The following ARHGAP39 variants were observed in gnomAD, a reference collection of about 807,000 sequenced individuals.
The protein encoded by ARHGAP39 is Rho GTPase activating protein 39, also known as rho GTPase-activating protein 39.
ARHGAP39 carries 44 observed loss-of-function variants against 106.9 expected under a neutral mutation model. The ratio of observed to expected loss-of-function variants is 0.41; its 90% CI spans 0.32 to 0.53. The LOEUF (loss-of-function observed/expected upper bound fraction) is 0.53, where lower values mean the gene tolerates loss of function less well. ARHGAP39 is among the 20% of genes least tolerant of loss of function. The pLI, the probability that ARHGAP39 is intolerant of heterozygous loss-of-function variation, is 0.21. For synonymous variants in ARHGAP39, 768 were observed against 693.2 expected, an observed-to-expected ratio of 1.11 and a Z score of -1.69; for missense variants, 1,496 against 1,577.3, an observed-to-expected ratio of 0.95 and a Z score of 0.87.
intron 1 of ARHGAP39, among the ~76,000 whole-genome samples, chr8:144,610,723 AT>A (rs939792684): frequency 7.3e-5 from 11 of 151,358 alleles, no homozygotes; most frequent in African/African-American, 1.5e-4. Flanking sequence ...AAAAAAAAAA[AT>A]TTTTTTTTAG....
intron 1 of ARHGAP39, among the ~76,000 whole-genome samples, chr8:144,665,653 C>G (rs1213512730): frequency 6.6e-6 from 1 of 152,202 alleles, no homozygotes; most frequent in Non-Finnish European, 1.5e-5. Context: ...GGTGGAAGCT[C>G]CAGGCCTTGG....
intron 1 of ARHGAP39, among the ~76,000 whole-genome samples, chr8:144,616,327 G>A (rs1400479237): frequency 6.6e-6 from 1 of 152,232 alleles, no homozygotes; most frequent in South Asian, 2.1e-4. Flanking sequence ...CCCCATGAAA[G>A]GGTCCTGGCT....
chr8:144,626,997 G>C (rs2130973450), intron 1 of ARHGAP39, among the ~76,000 whole-genome samples: 1 of 152,314 alleles, frequency 6.6e-6, no homozygotes, highest in African/African-American at 2.4e-5. Flanking sequence ...TCCCCCCTGG[G>C]GAGAGGATCC....
Position 144,586,858 on chromosome 8 carries a change from C to T in ARHGAP39, c.81-5581G>A, listed in dbSNP as rs1266805340. Among the ~76,000 whole-genome samples, 2 of 152,224 alleles carry T rather than the reference C, an allele frequency of 1.3e-5. No homozygotes were observed. Among genetic ancestry groups the T allele is most frequent in the African/African-American group, 4.8e-5 (2 of 41,450 alleles). Reference sequence around the variant, plus strand: ...TACATGGCTGCACGCCCATCTCATACACCAGGATGGGCAATGATATGGTTT... The same window carrying T: ...TACATGGCTGCACGCCCATCTCATATACCAGGATGGGCAATGATATGGTTT... On this transcript the variant is annotated intron_variant, in intron 2 of 11. Transcript: ENST00000377307. The surrounding 1 kb of genome is among the most constrained non-coding windows in gnomAD (Gnocchi z 4.2).
At chr8:144,571,922 C>T (rs1037113385) in intron 3 of ARHGAP39, among the ~76,000 whole-genome samples, 11 of 152,188 alleles carry the variant, frequency 7.2e-5, no homozygotes, top group African/African-American at 2.2e-4. Flanking sequence ...ATCCAACTTA[C>T]AAGGGATGTG....
chr8:144,601,359 C>T (rs577682331), intron 2 of ARHGAP39, among the ~76,000 whole-genome samples: 11 of 117,490 alleles, frequency 9.4e-5, no homozygotes, highest in South Asian at 5.9e-4. Context: ...TGTGCGTGTG[C>T]GAGCTCATGT....
At chr8:144,552,268 C>A (rs1014891345) in intron 4 of ARHGAP39, among the ~76,000 whole-genome samples, 1 of 152,242 alleles carries the variant, frequency 6.6e-6, no homozygotes, top group Non-Finnish European at 1.5e-5. Flanking sequence ...GAATTGGAAG[C>A]GCTGCACAAA....
chr8:144,602,415 T>C (rs1453924924), intron 2 of ARHGAP39, among the ~76,000 whole-genome samples: 3 of 125,714 alleles, frequency 2.4e-5, no homozygotes, highest in Non-Finnish European at 3.3e-5. Context: ...GTGTGTGTGC[T>C]TGTGTACCTG....
chr8:144,530,592 C>A lies in ARHGAP39; in HGVS notation c.3175G>T (p.Ala1059Ser). The part of the protein sequence containing the change: ...LQVFVQPANV[A>S]VTKMDVSNLA... ...TTGCTGACATCCATCTTGGTGACCG[C>A]GACGTTGGCCGGCTGCACGAAGACC... Residue 1059 changes from alanine to serine, a missense_variant, in exon 12 of 12, where the codon GCG becomes TCG. Ala to Ser is a moderately conservative substitution (Grantham distance 99, BLOSUM62 1). This residue lies in a region of ARHGAP39 where 470 missense variants were observed against 605.1 expected (regional missense o/e 0.78). Transcript: ENST00000377307. The A allele has an allele frequency of 6.2e-7, 1 of 1,602,950 alleles. No individual in the cohort carries two copies. Among genetic ancestry groups the A allele is most frequent in the Non-Finnish European group, 8.5e-7 (1 of 1,176,278 alleles).
chr8:144,671,781 T>C lies in ARHGAP39; in HGVS notation c.-82+13905A>G, dbSNP rs779212108. Among the ~76,000 whole-genome samples the C allele has an allele frequency of 2.6e-5, 4 of 152,260 alleles. No homozygotes were observed. The highest frequency in any genetic ancestry group is 5.9e-5 in the Non-Finnish European group (4 of 68,016). Reference sequence around the variant, plus strand: ...GCTGTCCACAGGATGTTAGCACAACTCACTCCCGTGTCCCCCACCAGAGGC... The same window carrying C: ...GCTGTCCACAGGATGTTAGCACAACCCACTCCCGTGTCCCCCACCAGAGGC... On this transcript the variant is annotated intron_variant, in intron 1 of 11. Coordinates refer to ENST00000377307, the MANE Select transcript of ARHGAP39 (RefSeq NM_025251.3). The surrounding 1 kb of genome is among the most constrained non-coding windows in gnomAD (Gnocchi z 4.5).
Position 144,530,194 on chromosome 8 carries a change from TG to T in ARHGAP39, c.*227del. On this transcript the variant is annotated 3_prime_UTR_variant, in exon 12 of 12. Transcript: ENST00000377307. ...AGGGCGAGGCGGTGCCCGCGGGAAC[TG>T]GCCGTGAGGTGGGGGGCCAGAGGCG... 1.8e-6 allele frequency: 1 copy of T among 543,782 alleles called. No individual in the cohort carries two copies. The highest frequency in any genetic ancestry group is 3.2e-6 in the Non-Finnish European group (1 of 310,070). 33.7% of individuals were successfully genotyped at this position (543,782 alleles called of 1,614,324 possible).
At chr8:144,575,398 T>C (rs866170361) in intron 3 of ARHGAP39, among the ~76,000 whole-genome samples, 4 of 152,242 alleles carry the variant, frequency 2.6e-5, no homozygotes, top group Non-Finnish European at 5.9e-5. Context: ...ATACACATTG[T>C]ACAACTATAC....
intron 4 of ARHGAP39, among the ~76,000 whole-genome samples, chr8:144,554,811 G>T (rs951434022): frequency 3.9e-5 from 6 of 152,214 alleles, no homozygotes; most frequent in Non-Finnish European, 8.8e-5. Context: ...CAACAAATAC[G>T]AATGTAAGAA....
intron 2 of ARHGAP39, among the ~76,000 whole-genome samples, chr8:144,597,924 A>C (rs1437372047): frequency 6.6e-6 from 1 of 152,190 alleles, no homozygotes; most frequent in Non-Finnish European, 1.5e-5. Flanking sequence ...CACACCACAA[A>C]GGCTAAAAAA....
At chr8:144,677,079 A>G (rs1330632523) in intron 1 of ARHGAP39, among the ~76,000 whole-genome samples, 1 of 152,180 alleles carries the variant, frequency 6.6e-6, no homozygotes. Context: ...GCATATTTTT[A>G]AGGTTCACAC....
At chr8:144,567,261 AG>A (rs913089971) in intron 3 of ARHGAP39, among the ~76,000 whole-genome samples, 1 of 152,242 alleles carries the variant, frequency 6.6e-6, no homozygotes, top group African/African-American at 2.4e-5. Flanking sequence ...ATCATAACCT[AG>A]GAAAAACCAG....
chr8:144,688,764 G>A (rs780376125), upstream of ARHGAP39, among the ~76,000 whole-genome samples: 5 of 152,276 alleles, frequency 3.3e-5, no homozygotes, highest in African/African-American at 1.2e-4. Context: ...AACATAGCAC[G>A]CTCGTGGACC....
chr8:144,540,093 T>C (rs1415658537), intron 6 of ARHGAP39, among the ~76,000 whole-genome samples: 3 of 152,242 alleles, frequency 2.0e-5, no homozygotes. Flanking sequence ...AGGTCTTACA[T>C]GTCCTTTGTC....
At chr8:144,578,616 G>A (rs1222212745) in intron 3 of ARHGAP39, among the ~76,000 whole-genome samples, 2 of 152,268 alleles carry the variant, frequency 1.3e-5, no homozygotes, top group South Asian at 2.1e-4. Context: ...GGTAGGCATA[G>A]GTGGGCATAC....
Sources: allele counts gnomAD v4.1 joint callset (sites outside exome capture counted in the v4.1 genomes callset), GRCh38; gene constraint gnomAD v4.1.1; regional missense constraint gnomAD v4.1.1; non-coding constraint Gnocchi (gnomAD v3.1); transcripts MANE v1.5; gene names NCBI Gene and HGNC (gene_info 2026-07-23, HGNC 2026-07-21).